The following PRKCA variants were observed in gnomAD, a reference collection of about 807,000 sequenced individuals.
PRKCA encodes the protein protein kinase C alpha.
Under a neutral mutation model 87.0 loss-of-function variants are expected in PRKCA, and 27 were observed. The observed-to-expected ratio is 0.31, with a 90% CI of 0.23 to 0.43. The LOEUF is 0.43. Among genes scored for constraint, PRKCA ranks in the 20% least tolerant of loss-of-function variants. The pLI is 1.00. For synonymous variants in PRKCA, 329 were observed against 311.1 expected, an observed-to-expected ratio of 1.06 and a Z score of -0.61; for missense variants, 518 against 852.3, an observed-to-expected ratio of 0.61 and a Z score of 4.88.
chr17:66,641,517 C>A, intron 4 of PRKCA, 51 bp downstream of exon 4: 2 of 1,398,684 alleles, frequency 1.4e-6, no homozygotes, highest in Non-Finnish European at 2.0e-6. Context: ...AGCTCATGCT[C>A]AGGGTTTGCT....
intron 5 of PRKCA, among the ~76,000 whole-genome samples, chr17:66,671,195 T>C (rs552214320): frequency 1.3e-3 from 132 of 102,658 alleles, no homozygotes; most frequent in Non-Finnish European, 1.7e-3. Context: ...CAGGAGACAG[T>C]GGGAGACTCA....
chr17:66,732,043 G>T (rs1392646181), intron 8 of PRKCA, among the ~76,000 whole-genome samples: 1 of 149,758 alleles, frequency 6.7e-6, no homozygotes, highest in Non-Finnish European at 1.5e-5. Context: ...ACCCGCCTCG[G>T]CCTCCCAGAG....
Position 66,335,121 on chromosome 17 carries a change from C to T in PRKCA, c.205+28994C>T, listed in dbSNP as rs145540955. On this transcript the variant is annotated intron_variant, in intron 2 of 16. Coordinates refer to ENST00000413366, the MANE Select transcript of PRKCA (RefSeq NM_002737.3). ...TAGGGGTAGGGGGAAATGGGAAGTT[C>T]GTTTTTATTTTCATTTTATTTTTTT... 5.3e-3 allele frequency among the ~76,000 whole-genome samples: 805 copies of T among 151,858 alleles called. 11 individuals carry two copies. The highest frequency in any genetic ancestry group is 0.019 in the African/African-American group (772 of 41,394).
intron 2 of PRKCA, among the ~76,000 whole-genome samples, chr17:66,370,382 C>T (rs1345290300): frequency 6.6e-6 from 1 of 151,586 alleles, no homozygotes; most frequent in Non-Finnish European, 1.5e-5. Flanking sequence ...CGGGTGCACA[C>T]CACCATAGCT....
rs73993876 is a variant in PRKCA, at chr17:66,558,817, C to T, written c.288+62534C>T. On this transcript the variant is annotated intron_variant, in intron 3 of 16. Coordinates refer to ENST00000413366, the MANE Select transcript of PRKCA (RefSeq NM_002737.3). ...GGGTGGTGGCAGCGAAAGCAGCCGA[C>T]GGTGAAGGTCTGCATGGAGGTTCGG... Among the ~76,000 whole-genome samples the T allele has an allele frequency of 9.9e-3, 1,509 of 152,148 alleles. 29 individuals are homozygous for T. The highest frequency in any genetic ancestry group is 0.034 in the African/African-American group (1,397 of 41,482).
chr17:66,535,040 T>C (rs1164043174), intron 3 of PRKCA, among the ~76,000 whole-genome samples: 3 of 152,202 alleles, frequency 2.0e-5, no homozygotes, highest in Admixed American at 2.0e-4. Flanking sequence ...AAGGTGCTGT[T>C]CTCAGCACTT....
chr17:66,321,463 T>C lies in PRKCA; in HGVS notation c.205+15336T>C, dbSNP rs186539188. Among the ~76,000 whole-genome samples, 203 of 152,352 alleles carry C rather than the reference T, an allele frequency of 1.3e-3. 1 individual carries two copies. Among genetic ancestry groups the C allele is most frequent in the African/African-American group, 4.7e-3 (197 of 41,596 alleles). On this transcript the variant is annotated intron_variant, in intron 2 of 16. Coordinates refer to ENST00000413366, the MANE Select transcript of PRKCA (RefSeq NM_002737.3). ...GCCAAGGACAGTTTCCATGTCGCCTTCTTTATTGTTCCTTTGTGCCTGCTA... is the reference window on the plus strand; with the variant it reads ...GCCAAGGACAGTTTCCATGTCGCCTCCTTTATTGTTCCTTTGTGCCTGCTA...
chr17:66,656,590 T>G (rs1971738938), intron 5 of PRKCA, among the ~76,000 whole-genome samples: 1 of 152,232 alleles, frequency 6.6e-6, no homozygotes, highest in Non-Finnish European at 1.5e-5. Context: ...TTGCAAATGA[T>G]GTCTTTTCAA....
intron 3 of PRKCA, among the ~76,000 whole-genome samples, chr17:66,515,784 A>G (rs1014775496): frequency 2.6e-5 from 4 of 152,182 alleles, no homozygotes; most frequent in Admixed American, 1.3e-4. Context: ...GGCTGAAGCA[A>G]TCCGCCCACC....
chr17:66,328,522 G>T lies in PRKCA; in HGVS notation c.205+22395G>T, dbSNP rs184658970. 3.6e-4 allele frequency among the ~76,000 whole-genome samples: 55 copies of T among 152,246 alleles called. 1 individual carries two copies. In the East Asian group the frequency reaches 8.9e-3, roughly 25 times the overall value. ...TCTAGAAACTGAAGGCAGAGGCTGG[G>T]TGCGGTGGCTCATGCCTGTAATCCC... is the stretch of plus-strand genomic sequence containing the variant. On this transcript the variant is annotated intron_variant, in intron 2 of 16. Transcript: ENST00000413366.
At chr17:66,528,167 G>A (rs566769796) in intron 3 of PRKCA, among the ~76,000 whole-genome samples, 2 of 140,366 alleles carry the variant, frequency 1.4e-5, no homozygotes, top group Admixed American at 7.8e-5. Context: ...GCAGTGAGCT[G>A]ACATGGCACC....
intron 2 of PRKCA, among the ~76,000 whole-genome samples, chr17:66,380,985 G>A (rs1909747467): frequency 6.8e-6 from 1 of 147,204 alleles, no homozygotes; most frequent in Admixed American, 7.0e-5. Flanking sequence ...TGTCACTCAC[G>A]CTAGAGTACA....
At chr17:66,484,345 G>A (rs535392811) in intron 2 of PRKCA, among the ~76,000 whole-genome samples, 1 of 152,292 alleles carries the variant, frequency 6.6e-6, no homozygotes, top group East Asian at 1.9e-4. Context: ...ATAATCAGAT[G>A]ACATTTTTAT....
chr17:66,563,325 T>C (rs527753451), intron 3 of PRKCA, among the ~76,000 whole-genome samples: 23 of 152,200 alleles, frequency 1.5e-4, no homozygotes, highest in Non-Finnish European at 2.9e-4. Context: ...TCCTCTGTGC[T>C]CCATCTTGTT....
chr17:66,459,079 A>C (rs80123072), intron 2 of PRKCA, among the ~76,000 whole-genome samples: 9,698 of 152,224 alleles, frequency 0.064, 1,031 homozygotes, highest in African/African-American at 0.22. Flanking sequence ...AAGTAAAAAA[A>C]AAAGGGATAA....
At chr17:66,782,495 C>A (rs936406274) in intron 14 of PRKCA, among the ~76,000 whole-genome samples, 2 of 152,130 alleles carry the variant, frequency 1.3e-5, no homozygotes, top group African/African-American at 4.8e-5. Flanking sequence ...GAAGCTGCAT[C>A]GGCCAGCAGC....
intron 2 of PRKCA, among the ~76,000 whole-genome samples, chr17:66,355,856 C>T (rs1424258339): frequency 6.6e-6 from 1 of 152,092 alleles, no homozygotes; most frequent in Non-Finnish European, 1.5e-5. Flanking sequence ...AATATACCTT[C>T]CCAATTATAG....
At chr17:66,493,733 A>G (rs1233389344) in intron 2 of PRKCA, among the ~76,000 whole-genome samples, 1 of 152,164 alleles carries the variant, frequency 6.6e-6, no homozygotes, top group Non-Finnish European at 1.5e-5. Context: ...GACCCAGTAC[A>G]ACAACAGCAA....
chr17:66,509,649 C>T (rs1215633187), intron 3 of PRKCA, among the ~76,000 whole-genome samples: 1 of 152,182 alleles, frequency 6.6e-6, no homozygotes, highest in Non-Finnish European at 1.5e-5. Context: ...ATTGTGTAAA[C>T]ACCCAGAATA....
Sources: allele counts gnomAD v4.1 joint callset (sites outside exome capture counted in the v4.1 genomes callset), GRCh38; gene constraint gnomAD v4.1.1; transcripts MANE v1.5; gene names NCBI Gene and HGNC (gene_info 2026-07-23, HGNC 2026-07-21).